PHF6: variants seen among roughly 807,000 people sequenced by gnomAD.
PHF6 encodes the protein PHD finger protein 6.
Under a neutral mutation model 34.0 loss-of-function variants are expected in PHF6, and 7 were observed. The observed-to-expected ratio is 0.21, with a 90% confidence interval of 0.12 to 0.39. PHF6 has a LOEUF of 0.39. Ranked by LOEUF, PHF6 falls within the 10% of genes least tolerant of loss-of-function variation. The pLI is 1.00. For synonymous variants in PHF6, 89 were observed against 88.4 expected (o/e 1.01, Z -0.04); for missense variants, 128 against 262.8 (o/e 0.49, Z 3.55).
chrX:134,428,038 A>T lies in PHF6; in HGVS notation c.*2378A>T, dbSNP rs2077512898. On this transcript the variant is annotated 3_prime_UTR_variant, in exon 11 of 11. Transcript: ENST00000370803. The stretch of plus-strand genomic sequence containing the variant: ...TATTTGATAAGTATATAACATTTAC[A>T]TCATTTCAAAAAATACTGCCGTTAC... 1 of 155,126 alleles carries T rather than the reference A, an allele frequency of 6.4e-6. No homozygotes were observed. The highest frequency in any genetic ancestry group is 3.3e-4 in the South Asian group (1 of 3,056). 12.8% of individuals were successfully genotyped at this position (155,126 alleles called of 1,213,427 possible).
chrX:134,402,283 C>T (rs73633403), intron 5 of PHF6, among the ~76,000 whole-genome samples: 16,915 of 111,847 alleles, frequency 0.15, 1,155 homozygotes, highest in East Asian at 0.43. Context: ...CGTGAGCCAC[C>T]GCACCTGGCC....
intron 5 of PHF6, among the ~76,000 whole-genome samples, chrX:134,411,775 C>G (rs748054662): frequency 1.8e-5 from 2 of 111,558 alleles, no homozygotes; most frequent in Non-Finnish European, 3.8e-5. Context: ...CTCTGTCACC[C>G]AGGCTGGAGT....
intron 3 of PHF6, among the ~76,000 whole-genome samples, chrX:134,381,316 G>A (rs1458519671): frequency 1.8e-5 from 2 of 111,095 alleles, no homozygotes; most frequent in Non-Finnish European, 3.8e-5. Context: ...ATTTTTACAT[G>A]ATGTGCTATC....
At chrX:134,381,512 G>A (rs1248325739) in intron 3 of PHF6, among the ~76,000 whole-genome samples, 1 of 74,145 alleles carries the variant, frequency 1.3e-5, no homozygotes, top group African/African-American at 5.1e-5. Context: ...TTTTTTTTTT[G>A]AGATGGAGTT....
intron 3 of PHF6, among the ~76,000 whole-genome samples, chrX:134,388,712 C>T (rs1225918045): frequency 8.9e-6 from 1 of 111,820 alleles, no homozygotes; most frequent in African/African-American, 3.2e-5. Context: ...TTGGCAATCT[C>T]ATTTTCATTT....
At chrX:134,395,654 CT>C (rs1213342837) in intron 5 of PHF6, among the ~76,000 whole-genome samples, 1 of 111,938 alleles carries the variant, frequency 8.9e-6, no homozygotes, top group Non-Finnish European at 1.9e-5. Context: ...GAAGCTGTTT[CT>C]TTTATGAAGA....
intron 3 of PHF6, among the ~76,000 whole-genome samples, chrX:134,383,079 C>T (rs1417729503): frequency 1.8e-5 from 2 of 109,486 alleles, no homozygotes; most frequent in African/African-American, 6.7e-5. Flanking sequence ...CCTATCTCTA[C>T]AAAAAAATTT....
At chrX:134,391,632 G>T (rs1481046666) in intron 3 of PHF6, among the ~76,000 whole-genome samples, 2 of 111,144 alleles carry the variant, frequency 1.8e-5, no homozygotes, top group East Asian at 5.6e-4. Flanking sequence ...ACCTGTTTTG[G>T]ATGTAAGTTT....
chrX:134,417,842 A>G (rs2077477634), intron 9 of PHF6: 1 of 112,437 alleles, frequency 8.9e-6, no homozygotes, highest in Non-Finnish European at 1.8e-5. Context: ...CTGAGCAACA[A>G]GAGTGAAATT....
intron 10 of PHF6, 87 bp downstream of exon 10, chrX:134,425,417 T>C: frequency 9.3e-7 from 1 of 1,072,462 alleles, no homozygotes; most frequent in South Asian, 1.9e-5. Flanking sequence ...GCAGTAAGAT[T>C]TTTTTTAATC....
At chrX:134,387,504 C>A (rs2077337337) in intron 3 of PHF6, among the ~76,000 whole-genome samples, 2 of 111,092 alleles carry the variant, frequency 1.8e-5, no homozygotes, top group Middle Eastern at 4.6e-3. Context: ...GTTTAGAGTA[C>A]CCTCAGCTGG....
At chrX:134,397,862 TTAAA>T (rs756438837) in intron 5 of PHF6, among the ~76,000 whole-genome samples, 3 of 111,828 alleles carry the variant, frequency 2.7e-5, no homozygotes, top group Admixed American at 9.5e-5. Context: ...GAGATGTACA[TTAAA>T]TAAATAGTTG....
chrX:134,384,713 A>G (rs1021245946), intron 3 of PHF6, among the ~76,000 whole-genome samples: 52 of 108,147 alleles, frequency 4.8e-4, no homozygotes, highest in Non-Finnish European at 9.2e-4. Context: ...GTACAGTGGC[A>G]CGATCTCGGC....
In PHF6 at chrX:134,426,366, C is replaced by G. The variant is rs2124262594; in HGVS notation, c.*706C>G. The stretch of plus-strand genomic sequence containing the variant: ...CTTCTGGCAAAATGATTGAGTCCTT[C>G]AAGTTTAAACTAACATTTGGCAACA... On this transcript the variant is annotated 3_prime_UTR_variant, in exon 11 of 11. Coordinates refer to ENST00000370803, the MANE Select transcript of PHF6 (RefSeq NM_001015877.2). 1 of 158,508 alleles carries G rather than the reference C, an allele frequency of 6.3e-6. No homozygotes were observed. Among genetic ancestry groups the G allele is most frequent in the Admixed American group, 8.3e-5 (1 of 12,063 alleles). The allele number at this position is 158,508 out of a possible 1,213,427, so 13.1% of individuals were successfully genotyped here. A position where few individuals can be genotyped will look rare whatever the true frequency, so the allele number is the denominator to read the frequency against.
rs770895112 is a variant in PHF6 at position 134,395,720 on chromosome X, A to G, written c.418+1768A>G. On this transcript the variant is annotated intron_variant, in intron 5 of 10. Transcript: ENST00000370803. Reference sequence around the variant, plus strand: ...AAATTGGTGGCCCTTTTTGATCTCTAGATCTTGGCTTTTATAATACAAAAC... The same window carrying G: ...AAATTGGTGGCCCTTTTTGATCTCTGGATCTTGGCTTTTATAATACAAAAC... Among the ~76,000 whole-genome samples the G allele has an allele frequency of 1.6e-4, 18 of 112,041 alleles. 1 individual carries two copies. Among genetic ancestry groups the G allele is most frequent in the Non-Finnish European group, 7.5e-5 (4 of 53,229 alleles).
intron 5 of PHF6, among the ~76,000 whole-genome samples, chrX:134,399,654 C>CACACACACACACACAG (rs753866933): frequency 9.4e-6 from 1 of 106,078 alleles, no homozygotes; most frequent in Non-Finnish European, 1.9e-5. Context: ...CCCTAACATA[C>CACACACACACACACAG]ACACACACAC....
intron 3 of PHF6, among the ~76,000 whole-genome samples, chrX:134,383,495 C>T (rs1477876768): frequency 2.7e-5 from 3 of 111,036 alleles, no homozygotes; most frequent in Non-Finnish European, 5.7e-5. Flanking sequence ...CAGGTCACTC[C>T]TAAACGTTCC....
chrX:134,386,291 G>A (rs2077331045), intron 3 of PHF6, among the ~76,000 whole-genome samples: 1 of 111,615 alleles, frequency 9.0e-6, no homozygotes, highest in East Asian at 2.8e-4. Flanking sequence ...GAAGATTCTG[G>A]ATGACTATTG....
intron 3 of PHF6, 44 bp downstream of exon 3, chrX:134,378,150 C>T (rs2077287279): frequency 1.0e-5 from 9 of 890,199 alleles, no homozygotes; most frequent in Middle Eastern, 3.4e-4. Flanking sequence ...ATTATTTAAA[C>T]TCATTAAAGA....
Sources: allele counts gnomAD v4.1 joint callset (sites outside exome capture counted in the v4.1 genomes callset), GRCh38; gene constraint gnomAD v4.1.1; transcripts MANE v1.5; gene names NCBI Gene and HGNC (gene_info 2026-07-23, HGNC 2026-07-21).